The following SLC2A1 variants were observed in gnomAD, a reference collection of about 807,000 sequenced individuals.
SLC2A1 encodes the protein solute carrier family 2, facilitated glucose transporter member 1.
In SLC2A1, 4 loss-of-function variants were observed where a neutral mutation model predicts 46.6. The observed-to-expected ratio is 0.09, with a 90% CI of 0.04 to 0.20. The LOEUF (loss-of-function observed/expected upper bound fraction) is 0.20. Among genes scored for constraint, SLC2A1 ranks in the 10% least tolerant of loss-of-function variants. The probability of loss-of-function intolerance (pLI) is 1.00; values close to 1 mark genes in which losing one functional copy is unlikely to be tolerated. For missense variants in SLC2A1, 352 were observed against 667.0 expected, an observed-to-expected ratio of 0.53 and a Z score of 5.20; for synonymous variants, 253 against 270.0, an observed-to-expected ratio of 0.94 and a Z score of 0.62.
At chr1:42,950,114 A>G (rs1643704233) in intron 1 of SLC2A1, among the ~76,000 whole-genome samples, 1 of 152,220 alleles carries the variant, frequency 6.6e-6, no homozygotes, top group African/African-American at 2.4e-5. Flanking sequence ...ATTTTTAAGT[A>G]GCTGGGGAGA....
chr1:42,952,310 C>T, intron 1 of SLC2A1: 1 of 455,908 alleles, frequency 2.2e-6, no homozygotes. Context: ...GCACTGTGTC[C>T]CCCACAGTGC....
intron 1 of SLC2A1, chr1:42,951,828 G>A (rs1643724160): frequency 2.5e-6 from 1 of 399,316 alleles, no homozygotes; most frequent in East Asian, 3.6e-5. Context: ...CAGACCACAT[G>A]GTAACCCCAC....
chr1:42,928,856 T>G (rs1643455265), intron 8 of SLC2A1, 76 bp downstream of exon 8: 2 of 1,318,824 alleles, frequency 1.5e-6, no homozygotes, highest in South Asian at 1.2e-5. Context: ...AGCCTGGGGC[T>G]GAGACAGGCA....
Position 42,927,573 on chromosome 1 carries a change from C to A in SLC2A1, c.1278+32G>T. 1 of 656,810 alleles carries A rather than the reference C, an allele frequency of 1.5e-6. No homozygotes were observed. The highest frequency in any genetic ancestry group is 2.1e-6 in the Non-Finnish European group (1 of 470,060). 40.7% of individuals were successfully genotyped at this position (656,810 alleles called of 1,614,324 possible). On this transcript the variant is annotated intron_variant, in intron 9 of 9. Coordinates refer to ENST00000426263, the MANE Select transcript of SLC2A1 (RefSeq NM_006516.4). The surrounding 1 kb of genome is among the most constrained non-coding windows in gnomAD (Gnocchi z 5.3). ...GCACAGCACTGTGGGGTCATGCGTG[C>A]GGGTGAGTATAGAGACAGTGGGGGT... is the stretch of plus-strand genomic sequence containing the variant.
chr1:42,953,944 C>CG (rs1557655023), intron 1 of SLC2A1, among the ~76,000 whole-genome samples: 1 of 152,156 alleles, frequency 6.6e-6, no homozygotes, highest in Non-Finnish European at 1.5e-5. Context: ...ATTTAGGGCA[C>CG]GGGGCCAGTC....
rs909139304 is a variant in SLC2A1, at chr1:42,958,668, T to C, written c.-17A>G. 2 of 1,534,886 alleles carry C rather than the reference T, an allele frequency of 1.3e-6. No homozygotes were observed. The highest frequency in any genetic ancestry group is 2.8e-5 in the African/African-American group (2 of 72,294). The stretch of plus-strand genomic sequence containing the variant: ...GGGCTCCATGGCAGCGCTGCGCTGG[T>C]GGCTCTGGCTGCGCCGGGTACGCGG... On this transcript the variant is annotated 5_prime_UTR_variant, in exon 1 of 10. Transcript: ENST00000426263.
In SLC2A1 at chr1:42,927,816, G is replaced by A; in HGVS notation, c.1075-8C>T. On this transcript the variant is annotated splice_region_variant and splice_polypyrimidine_tract_variant and intron_variant, in intron 8 of 9. Transcript: ENST00000426263. This position sits in a 1 kb window ranked among gnomAD's most constrained non-coding sequence, Gnocchi z 5.3. ...CATCCAGGGTAGCTGCTCCTGTTGA[G>A]GATGACGGAGAGGGGGAAAAGTTAG... The A allele has an allele frequency of 6.2e-7, 1 of 1,607,316 alleles. No homozygotes were observed. The highest frequency in any genetic ancestry group is 1.1e-5 in the South Asian group (1 of 90,234).
rs1035921346 is a variant in SLC2A1 at position 42,925,977 on chromosome 1, T to A, written c.*1064A>T. 6.6e-6 allele frequency: 1 copy of A among 152,258 alleles called. No homozygotes were observed. The highest frequency in any genetic ancestry group is 2.4e-5 in the African/African-American group (1 of 41,438). The allele number at this position is 152,258 out of a possible 1,614,324, so 9.4% of individuals were successfully genotyped here. ...ATGTCAAGATAAAGAATGTATATAT[T>A]CTCTGGGTAACAGGGATCAAACAGA... On this transcript the variant is annotated 3_prime_UTR_variant, in exon 10 of 10. Transcript: ENST00000426263.
At position 42,926,695 on chromosome 1, in the gene SLC2A1, C is replaced by G; in HGVS notation, c.*346G>C. 2 of 1,336,822 alleles carry G rather than the reference C, an allele frequency of 1.5e-6. No individual in the cohort carries two copies. The highest frequency in any genetic ancestry group is 2.0e-6 in the Non-Finnish European group (2 of 1,020,350). 82.8% of individuals were successfully genotyped at this position (1,336,822 alleles called of 1,614,324 possible). A position where few individuals can be genotyped will look rare whatever the true frequency, so the allele number is the denominator to read the frequency against. ...AGCTGGGTGAAGAAGGCAAGTGTCT[C>G]GACAGGGCTTAGTCTCCACCCTCAG... On this transcript the variant is annotated 3_prime_UTR_variant, in exon 10 of 10. Coordinates refer to ENST00000426263, the MANE Select transcript of SLC2A1 (RefSeq NM_006516.4).
In SLC2A1 at chr1:42,927,335, C is replaced by CCT; in HGVS notation, c.1279-95_1279-94insAG. 1 of 1,198,660 alleles carries CCT rather than the reference C, an allele frequency of 8.3e-7. No homozygotes were observed. The highest frequency in any genetic ancestry group is 1.2e-6 in the Non-Finnish European group (1 of 816,598). 74.3% of individuals were successfully genotyped at this position (1,198,660 alleles called of 1,614,324 possible). A position where few individuals can be genotyped will look rare whatever the true frequency, so the allele number is the denominator to read the frequency against. On this transcript the variant is annotated intron_variant, in intron 9 of 9. Coordinates refer to ENST00000426263, the MANE Select transcript of SLC2A1 (RefSeq NM_006516.4). This position sits in a 1 kb window ranked among gnomAD's most constrained non-coding sequence, Gnocchi z 5.3. ...GTCACTTTACCTTTGGGCCTTTGAG[C>CCT]TGAAAAGGGAACATCCACCTACCCA...
chr1:42,942,854 G>A (rs961749939), intron 2 of SLC2A1: 14 of 338,800 alleles, frequency 4.1e-5, no homozygotes, highest in African/African-American at 2.6e-4. Context: ...AGTGAGACAA[G>A]CCCATGAAAA....
At chr1:42,944,323 A>G (rs1431014969) in intron 1 of SLC2A1, among the ~76,000 whole-genome samples, 1 of 152,200 alleles carries the variant, frequency 6.6e-6, no homozygotes, top group East Asian at 1.9e-4. Flanking sequence ...CTGCTGAAGA[A>G]AAGTGCTCTT....
chr1:42,952,208 T>C, intron 1 of SLC2A1: 1 of 443,922 alleles, frequency 2.3e-6, no homozygotes, highest in East Asian at 4.4e-5. Context: ...CTGTGGCTGG[T>C]GGGCTCAAAG....
intron 1 of SLC2A1, among the ~76,000 whole-genome samples, chr1:42,953,623 T>C (rs985700372): frequency 6.6e-6 from 1 of 152,198 alleles, no homozygotes; most frequent in Non-Finnish European, 1.5e-5. Context: ...CTGCACACTT[T>C]CCTCTTTGTT....
chr1:42,927,265 G>C lies in SLC2A1; in HGVS notation c.1279-24C>G. ...TGCTGAAAGACACACAGACACACTT[G>C]GTTGGAGTCATGACCCTACATCCTG... On this transcript the variant is annotated intron_variant, in intron 9 of 9. Coordinates refer to ENST00000426263, the MANE Select transcript of SLC2A1 (RefSeq NM_006516.4). This position sits in a 1 kb window ranked among gnomAD's most constrained non-coding sequence, Gnocchi z 5.3. The C allele has an allele frequency of 6.2e-7, 1 of 1,610,266 alleles. No homozygotes were observed. The highest frequency in any genetic ancestry group is 8.5e-7 in the Non-Finnish European group (1 of 1,176,840).
At position 42,929,893 on chromosome 1, in the gene SLC2A1, T is replaced by G. The variant is rs1257108581; in HGVS notation, c.659A>C (p.Glu220Ala). 1 of 1,613,988 alleles carries G rather than the reference T, an allele frequency of 6.2e-7. No individual in the cohort carries two copies. The change falls in exon 5 of 10, where the codon GAG becomes GCG. Residue 220 changes from glutamate (E) to alanine (A), a missense_variant. Transcript: ENST00000426263. The surrounding 1 kb of genome is among the most constrained non-coding windows in gnomAD (Gnocchi z 6.0). The part of the protein sequence containing the change: ...SPRFLLINRN[E>A]ENRAKSVLKK... ...CGTACCACTCTTGGCCCGGTTCTCCTCGTTGCGGTTGATGAGCAGGAAGCG... is the reference window on the plus strand; with the variant it reads ...CGTACCACTCTTGGCCCGGTTCTCCGCGTTGCGGTTGATGAGCAGGAAGCG...
At chr1:42,949,777 A>G (rs1643700795) in intron 1 of SLC2A1, among the ~76,000 whole-genome samples, 1 of 151,736 alleles carries the variant, frequency 6.6e-6, no homozygotes, top group African/African-American at 2.4e-5. Context: ...CTCCCTTTTC[A>G]CAGATGAGAA....
chr1:42,941,803 T>G (rs1390574959), intron 2 of SLC2A1, among the ~76,000 whole-genome samples: 6 of 152,200 alleles, frequency 3.9e-5, no homozygotes, highest in Non-Finnish European at 7.3e-5. Context: ...AAGCACACAC[T>G]TTGGCAAGAG....
At chr1:42,943,198 C>T (rs778217607) in intron 2 of SLC2A1, 28 bp downstream of exon 2, 1 of 1,487,840 alleles carries the variant, frequency 6.7e-7, no homozygotes, top group Non-Finnish European at 9.4e-7. Flanking sequence ...GGCTGGTGTC[C>T]ATAAGCCAAC....
Sources: gnomAD v4.1 joint callset for allele counts (sites outside exome capture counted in the v4.1 genomes callset) on GRCh38, gnomAD v4.1.1 for gene constraint, Gnocchi (gnomAD v3.1) non-coding constraint, MANE v1.5 for transcripts, NCBI Gene and HGNC (gene_info 2026-07-23, HGNC 2026-07-21) for gene names.